Variants in EHBP1 observed in about 807,000 individuals in gnomAD.
EHBP1 encodes the protein EH domain binding protein 1, also known as EH domain-binding protein 1.
In EHBP1, 55 loss-of-function variants were observed where a neutral mutation model predicts 144.0. The ratio of observed to expected loss-of-function variants is 0.38; its 90% CI spans 0.31 to 0.48. The LOEUF (loss-of-function observed/expected upper bound fraction) is 0.48, where lower values mean the gene tolerates loss of function less well. EHBP1 is among the 20% of genes least tolerant of loss of function. The pLI, the probability that EHBP1 is intolerant of heterozygous loss-of-function variation, is 0.98. For missense variants in EHBP1, 1,200 were observed against 1,364.2 expected, an observed-to-expected ratio of 0.88 and a Z score of 1.90; for synonymous variants, 469 against 472.7, an observed-to-expected ratio of 0.99 and a Z score of 0.10.
In EHBP1 at chr2:62,859,101, A is replaced by T. The variant is rs1573752519; in HGVS notation, c.635-68A>T. On this transcript the variant is annotated intron_variant, in intron 7 of 22. Transcript: ENST00000431489. The stretch of plus-strand genomic sequence containing the variant: ...TTCGTGTGAACTTTTACCATTTGAA[A>T]TATTTCACGAATGTTCAATACTTAC... 4 of 1,410,752 alleles carry T rather than the reference A, an allele frequency of 2.8e-6. No homozygotes were observed. In the Admixed American group the frequency reaches 8.4e-5, roughly 30 times the overall value. The allele number at this position is 1,410,752 out of a possible 1,614,324, so 87.4% of individuals were successfully genotyped here.
In EHBP1 at chr2:62,890,006, G is replaced by A. The variant is rs186821774; in HGVS notation, c.1185+15474G>A. Among the ~76,000 whole-genome samples the A allele has an allele frequency of 2.1e-5, 3 of 143,864 alleles. No individual in the cohort carries two copies. The East Asian group carries it at 6.0e-4, about 29-fold the overall frequency. The allele number at this position is 143,864 out of a possible 152,430, so 94.4% of individuals were successfully genotyped here. On this transcript the variant is annotated intron_variant, in intron 10 of 22. Transcript: ENST00000431489. ...AGATGGAGTCTTACTGTGTCACCCAGGCTGGAGTGCAGTGGCACAGTTTTG... is the reference window on the plus strand; with the variant it reads ...AGATGGAGTCTTACTGTGTCACCCAAGCTGGAGTGCAGTGGCACAGTTTTG...
At chr2:62,706,353 G>C (rs1480772467) in intron 1 of EHBP1, 1 of 152,292 alleles carries the variant, frequency 6.6e-6, no homozygotes, top group African/African-American at 2.4e-5. Context: ...AAGTGGCCTG[G>C]AGCCGGGACA....
chr2:62,733,885 C>T (rs1279408795), intron 2 of EHBP1, among the ~76,000 whole-genome samples: 3 of 152,182 alleles, frequency 2.0e-5, no homozygotes, highest in Non-Finnish European at 1.5e-5. Flanking sequence ...TACTCTGGTA[C>T]TGTGGAGCAT....
At chr2:62,958,934 A>G (rs1056122831) in intron 14 of EHBP1, among the ~76,000 whole-genome samples, 2 of 152,134 alleles carry the variant, frequency 1.3e-5, no homozygotes, top group Non-Finnish European at 2.9e-5. Flanking sequence ...ACTCTTTTTT[A>G]AAAAATTTGA....
At chr2:62,929,084 C>T (rs1393328342) in intron 10 of EHBP1, among the ~76,000 whole-genome samples, 1 of 152,052 alleles carries the variant, frequency 6.6e-6, no homozygotes, top group Non-Finnish European at 1.5e-5. Context: ...AAGAATGAAT[C>T]AGTAATCAAA....
chr2:63,032,506 G>C (rs1375553431), intron 19 of EHBP1, among the ~76,000 whole-genome samples: 1 of 139,818 alleles, frequency 7.2e-6, no homozygotes, highest in Non-Finnish European at 1.5e-5. Context: ...GGCGGAGGTT[G>C]TAGTGAGCCA....
chr2:63,008,270 T>TA (rs1268242956), intron 19 of EHBP1, among the ~76,000 whole-genome samples: 1 of 151,716 alleles, frequency 6.6e-6, no homozygotes, highest in Non-Finnish European at 1.5e-5. Flanking sequence ...TAGCAAGTGA[T>TA]ATGGCAGATT....
intron 5 of EHBP1, among the ~76,000 whole-genome samples, chr2:62,802,670 T>C (rs960931141): frequency 1.3e-5 from 2 of 151,904 alleles, no homozygotes; most frequent in African/African-American, 4.8e-5. Flanking sequence ...CACACATATG[T>C]GTATTTAAAG....
intron 5 of EHBP1, among the ~76,000 whole-genome samples, chr2:62,824,219 T>G (rs553319645): frequency 1.1e-4 from 16 of 152,132 alleles, no homozygotes; most frequent in Non-Finnish European, 2.2e-4. Flanking sequence ...ATCTTAATTT[T>G]TATAGCTTAT....
At position 63,045,413 on chromosome 2, in the gene EHBP1, C is replaced by T. The variant is rs1432429278; in HGVS notation, c.3396C>T (p.Ala1132=). The T allele has an allele frequency of 1.2e-6, 2 of 1,613,810 alleles. No individual in the cohort carries two copies. The highest frequency in any genetic ancestry group is 1.7e-6 in the Non-Finnish European group (2 of 1,179,874). Residue 1132 remains alanine (A), a synonymous_variant, in exon 23 of 23, where the codon GCC becomes GCT. Transcript: ENST00000431489. This position sits in a 1 kb window ranked among gnomAD's most constrained non-coding sequence, Gnocchi z 5.7. The part of the protein sequence containing the change: ...VRDLDAQEKQ[A]EEEDEHLERT... Reference sequence around the variant, plus strand: ...GTCCTGTTTGTCTGACATCCAGGGCCGAAGAAGAAGATGAGCATTTGGAGC... The same window carrying T: ...GTCCTGTTTGTCTGACATCCAGGGCTGAAGAAGAAGATGAGCATTTGGAGC...
At chr2:62,992,306 A>G (rs1278384340) in intron 16 of EHBP1, among the ~76,000 whole-genome samples, 1 of 152,218 alleles carries the variant, frequency 6.6e-6, no homozygotes, top group Admixed American at 6.5e-5. Flanking sequence ...TATCATAACT[A>G]TATGGCTAGG....
rs577156978 is a variant in EHBP1 at position 62,771,281 on chromosome 2, G to A, written c.259-58G>A. On this transcript the variant is annotated intron_variant, in intron 4 of 22. Transcript: ENST00000431489. The stretch of plus-strand genomic sequence containing the variant: ...AGGCTATATGTATTTTCTTAATTGG[G>A]TTTATTGGACTAAAGACATGTATTT... The A allele has an allele frequency of 1.6e-4, 210 of 1,328,854 alleles. 1 individual carries two copies. Among genetic ancestry groups the A allele is most frequent in the South Asian group, 1.4e-3 (95 of 67,466 alleles). The allele number at this position is 1,328,854 out of a possible 1,614,324, so 82.3% of individuals were successfully genotyped here. A position where few individuals can be genotyped will look rare whatever the true frequency, so the allele number is the denominator to read the frequency against.
Position 62,994,018 on chromosome 2 carries a change from T to G in EHBP1, c.2979+41T>G, listed in dbSNP as rs763343388. The G allele has an allele frequency of 6.5e-6, 9 of 1,383,336 alleles. No individual in the cohort carries two copies. In the South Asian group the frequency reaches 9.0e-5, roughly 14 times the overall value. 85.7% of individuals were successfully genotyped at this position (1,383,336 alleles called of 1,614,324 possible). A position where few individuals can be genotyped will look rare whatever the true frequency, so the allele number is the denominator to read the frequency against. ...GTGTGGTTTCATGATTGCTGATAAT[T>G]CCAAACTGTATGTGGAAATAGTGCC... is the stretch of plus-strand genomic sequence containing the variant. On this transcript the variant is annotated intron_variant, in intron 18 of 22. Transcript: ENST00000431489.
chr2:62,908,472 A>G (rs2053965646), intron 10 of EHBP1, among the ~76,000 whole-genome samples: 1 of 151,086 alleles, frequency 6.6e-6, no homozygotes, highest in Admixed American at 6.6e-5. Context: ...TCTGATCTTT[A>G]TTACTTCCTT....
chr2:62,773,850 C>CAAAAA lies in EHBP1; in HGVS notation c.312+2489_312+2493dup, dbSNP rs570715468. ...TAGGTGATACAGCAAGACTCCATCT[C>CAAAAA]AAAAAAAAAAAAAAAAAAAAAAAAA... is the stretch of plus-strand genomic sequence containing the variant. On this transcript the variant is annotated intron_variant, in intron 5 of 22. Coordinates refer to ENST00000431489, the MANE Select transcript of EHBP1 (RefSeq NM_001142616.3). 7.4e-3 allele frequency among the ~76,000 whole-genome samples: 306 copies of CAAAAA among 41,532 alleles called. 23 individuals carry two copies. The highest frequency in any genetic ancestry group is 0.014 in the Middle Eastern group (1 of 74). The allele number at this position is 41,532 out of a possible 152,430, so 27.2% of individuals were successfully genotyped here. A position where few individuals can be genotyped will look rare whatever the true frequency, so the allele number is the denominator to read the frequency against.
chr2:62,877,328 C>T (rs1307882759), intron 10 of EHBP1, among the ~76,000 whole-genome samples: 3 of 152,252 alleles, frequency 2.0e-5, no homozygotes, highest in East Asian at 3.9e-4. Context: ...AATATGCACC[C>T]AACACTGGAG....
intron 19 of EHBP1, among the ~76,000 whole-genome samples, chr2:63,023,451 A>G (rs2060843507): frequency 6.6e-6 from 1 of 152,226 alleles, no homozygotes; most frequent in African/African-American, 2.4e-5. Context: ...AAATGAAAGT[A>G]TGTAAGTTAG....
intron 1 of EHBP1, among the ~76,000 whole-genome samples, chr2:62,677,382 G>A (rs1266517473): frequency 6.6e-6 from 1 of 152,032 alleles, no homozygotes; most frequent in Non-Finnish European, 1.5e-5. Context: ...GTATACAACA[G>A]GTGTAAATAT....
chr2:62,702,708 A>G (rs1228014405), upstream of EHBP1, among the ~76,000 whole-genome samples: 1 of 152,198 alleles, frequency 6.6e-6, no homozygotes, highest in African/African-American at 2.4e-5. Flanking sequence ...TGAGGTAGCG[A>G]TGTTTGGCAC....
Sources: gnomAD v4.1 joint callset for allele counts (sites outside exome capture counted in the v4.1 genomes callset) on GRCh38, gnomAD v4.1.1 for gene constraint, Gnocchi (gnomAD v3.1) non-coding constraint, MANE v1.5 for transcripts, NCBI Gene and HGNC (gene_info 2026-07-23, HGNC 2026-07-21) for gene names.